CNTN5: variants seen among roughly 807,000 people sequenced by gnomAD.
The protein encoded by CNTN5 is contactin-5.
A neutral mutation model predicts 129.1 loss-of-function variants in CNTN5; 77 were observed. The observed-to-expected ratio is 0.60, with a 90% CI of 0.50 to 0.72. The LOEUF is 0.72. Ranked by LOEUF, CNTN5 falls within the 30% of genes least tolerant of loss-of-function variation. The probability of loss-of-function intolerance (pLI) is 0.00; values close to 1 mark genes in which losing one functional copy is unlikely to be tolerated. For synonymous variants in CNTN5, 509 were observed against 465.6 expected (o/e 1.09, Z -1.20); for missense variants, 1,478 against 1,328.8 (o/e 1.11, Z -1.75).
chr11:100,261,528 C>T (rs1165944458), intron 17 of CNTN5, among the ~76,000 whole-genome samples: 11 of 152,236 alleles, frequency 7.2e-5, no homozygotes, highest in African/African-American at 2.4e-4. Context: ...GGAGGCATCA[C>T]GCTACCTGAA....
At chr11:99,255,904 T>C (rs1012663529) in intron 1 of CNTN5, among the ~76,000 whole-genome samples, 1 of 151,932 alleles carries the variant, frequency 6.6e-6, no homozygotes, top group African/African-American at 2.4e-5. Flanking sequence ...ATACTTGATA[T>C]AGTTCAGCAA....
chr11:99,691,422 T>C (rs1199256660), intron 3 of CNTN5, among the ~76,000 whole-genome samples: 1 of 152,152 alleles, frequency 6.6e-6, no homozygotes, highest in Non-Finnish European at 1.5e-5. Flanking sequence ...GTGGTAGCTG[T>C]GTCCCAGAGT....
intron 2 of CNTN5, among the ~76,000 whole-genome samples, chr11:99,506,447 T>C (rs536579876): frequency 1.1e-4 from 16 of 152,316 alleles, no homozygotes; most frequent in Admixed American, 9.1e-4. Context: ...CACACCTCTG[T>C]CTTGTGTCCA....
chr11:100,135,245 A>G (rs1474807605), intron 13 of CNTN5, among the ~76,000 whole-genome samples: 2 of 144,832 alleles, frequency 1.4e-5, no homozygotes, highest in African/African-American at 5.1e-5. Flanking sequence ...GCATGATCTC[A>G]GCTCACTGCA....
chr11:99,312,610 T>C (rs1265937703), intron 1 of CNTN5, among the ~76,000 whole-genome samples: 1 of 152,158 alleles, frequency 6.6e-6, no homozygotes, highest in Non-Finnish European at 1.5e-5. Flanking sequence ...CCAAATTGTA[T>C]GGTATTGACA....
At chr11:99,676,669 A>G (rs1410242355) in intron 3 of CNTN5, among the ~76,000 whole-genome samples, 1 of 152,204 alleles carries the variant, frequency 6.6e-6, no homozygotes, top group East Asian at 1.9e-4. Flanking sequence ...CTTAAGAAAA[A>G]CATATGTAAC....
chr11:99,075,015 C>G (rs973363004), intron 1 of CNTN5, among the ~76,000 whole-genome samples: 6 of 152,054 alleles, frequency 3.9e-5, no homozygotes, highest in African/African-American at 1.2e-4. Context: ...AAATCAGATA[C>G]TCTGTATATA....
At chr11:99,034,329 G>A (rs1319528753) in intron 1 of CNTN5, among the ~76,000 whole-genome samples, 2 of 151,948 alleles carry the variant, frequency 1.3e-5, no homozygotes, top group Admixed American at 6.6e-5. Flanking sequence ...GATTGGAATA[G>A]TTTCAGAAGG....
intron 3 of CNTN5, among the ~76,000 whole-genome samples, chr11:99,815,570 G>A (rs916108253): frequency 6.6e-6 from 1 of 152,064 alleles, no homozygotes; most frequent in Non-Finnish European, 1.5e-5. Context: ...GTAATGCAGG[G>A]GGTTCCAGAC....
chr11:99,462,505 CTG>C (rs1944753144), intron 2 of CNTN5, among the ~76,000 whole-genome samples: 1 of 151,894 alleles, frequency 6.6e-6, no homozygotes, highest in Non-Finnish European at 1.5e-5. Context: ...GTGTTCACTA[CTG>C]TAAGTTGATT....
intron 6 of CNTN5, among the ~76,000 whole-genome samples, chr11:99,856,193 G>A (rs1277061790): frequency 6.6e-6 from 1 of 152,122 alleles, no homozygotes; most frequent in East Asian, 1.9e-4. Flanking sequence ...GTCTAATTCA[G>A]TATTTTGGGC....
At chr11:99,325,011 T>A (rs1426462098) in intron 1 of CNTN5, among the ~76,000 whole-genome samples, 1 of 152,296 alleles carries the variant, frequency 6.6e-6, no homozygotes, top group African/African-American at 2.4e-5. Flanking sequence ...AATTTTCATA[T>A]TATTGTCTTA....
chr11:100,191,335 T>C (rs1156725841), intron 14 of CNTN5, 82 bp downstream of exon 14: 7 of 1,195,082 alleles, frequency 5.9e-6, no homozygotes, highest in Non-Finnish European at 8.1e-6. Context: ...TAAATGCATA[T>C]ATGTTTGGAC....
chr11:99,167,639 C>T (rs1375585621), intron 1 of CNTN5, among the ~76,000 whole-genome samples: 6 of 152,088 alleles, frequency 3.9e-5, no homozygotes, highest in Non-Finnish European at 8.8e-5. Context: ...GATCCATTAT[C>T]TAACTAACAC....
At chr11:100,281,794 T>G (rs149702915) in intron 18 of CNTN5, among the ~76,000 whole-genome samples, 1 of 152,148 alleles carries the variant, frequency 6.6e-6, no homozygotes, top group African/African-American at 2.4e-5. Context: ...TTGTCTAGTC[T>G]GACGTATATT....
At chr11:99,446,779 C>A (rs1255139019) in intron 2 of CNTN5, among the ~76,000 whole-genome samples, 1 of 152,154 alleles carries the variant, frequency 6.6e-6, no homozygotes, top group Non-Finnish European at 1.5e-5. Context: ...AGCTGACTTT[C>A]CTCCTTAAAT....
In CNTN5 at chr11:99,222,239, G is replaced by T. The variant is rs991165273; in HGVS notation, c.-209-103107G>T. Among the ~76,000 whole-genome samples, 4 of 151,210 alleles carry T rather than the reference G, an allele frequency of 2.6e-5. No homozygotes were observed. In the South Asian group the frequency reaches 6.2e-4, roughly 24 times the overall value. ...TATAGACATATAGATTATATCCATC[G>T]ATACAAACATGAAAATTGTGCAATA... On this transcript the variant is annotated intron_variant, in intron 1 of 24. Coordinates refer to ENST00000524871, the MANE Select transcript of CNTN5 (RefSeq NM_014361.4).
intron 2 of CNTN5, among the ~76,000 whole-genome samples, chr11:99,360,519 A>C (rs533920421): frequency 2.0e-5 from 3 of 152,086 alleles, no homozygotes; most frequent in Non-Finnish European, 2.9e-5. Flanking sequence ...CCACACATAC[A>C]TTACCAAGGT....
chr11:99,996,474 C>T (rs1026100711), intron 8 of CNTN5, among the ~76,000 whole-genome samples: 1 of 152,116 alleles, frequency 6.6e-6, no homozygotes, highest in Non-Finnish European at 1.5e-5. Context: ...TCTAATATCA[C>T]TTCCCTTCAC....
Sources: allele counts gnomAD v4.1 joint callset (sites outside exome capture counted in the v4.1 genomes callset), GRCh38; gene constraint gnomAD v4.1.1; transcripts MANE v1.5; gene names NCBI Gene and HGNC (gene_info 2026-07-23, HGNC 2026-07-21).